SUPT3H: variants seen among roughly 807,000 people sequenced by gnomAD.
SUPT3H encodes the protein transcription initiation protein SPT3 homolog.
In SUPT3H, 44 loss-of-function variants were observed where a neutral mutation model predicts 44.3. The ratio of observed to expected loss-of-function variants is 0.99; its 90% CI spans 0.78 to 1.28. The LOEUF (loss-of-function observed/expected upper bound fraction) is 1.28. SUPT3H is among the 50% of genes most tolerant of loss of function. SUPT3H has a pLI of 0.00. For synonymous variants in SUPT3H, 124 were observed against 125.6 expected, an observed-to-expected ratio of 0.99 and a Z score of 0.09; for missense variants, 380 against 387.1, an observed-to-expected ratio of 0.98 and a Z score of 0.15.
chr6:45,357,476 C>T lies in SUPT3H; in HGVS notation c.101+7725G>A, dbSNP rs187804611. On this transcript the variant is annotated intron_variant, in intron 2 of 10. Transcript: ENST00000371459. The stretch of plus-strand genomic sequence containing the variant: ...CTCCCAAGTAGCTGGGACTACAGGG[C>T]CCAGATAATTGCTTTTAATTTTATT... Among the ~76,000 whole-genome samples, 68 of 152,046 alleles carry T rather than the reference C, an allele frequency of 4.5e-4. No homozygotes were observed. In the East Asian group the frequency reaches 0.011, roughly 26 times the overall value.
intron 10 of SUPT3H, among the ~76,000 whole-genome samples, chr6:44,849,959 CCTGGCCTGAGGACCACCA>C (rs1286220392): frequency 6.6e-6 from 1 of 152,178 alleles, no homozygotes; most frequent in African/African-American, 2.4e-5. Context: ...CCCCAGGACA[CCTGGCCTGAGGACCACCA>C]CTGGCTGACA....
intron 6 of SUPT3H, among the ~76,000 whole-genome samples, chr6:44,971,549 T>C (rs775000735): frequency 6.6e-6 from 1 of 152,110 alleles, no homozygotes; most frequent in Non-Finnish European, 1.5e-5. Context: ...ACTCACTCAC[T>C]ATGATGAGAA....
At chr6:44,887,834 G>T (rs1414304586) in intron 10 of SUPT3H, among the ~76,000 whole-genome samples, 148 of 151,894 alleles carry the variant, frequency 9.7e-4, no homozygotes, top group Admixed American at 9.6e-3. Flanking sequence ...CCAGGAGCTG[G>T]TTTTTTGAAA....
intron 2 of SUPT3H, among the ~76,000 whole-genome samples, chr6:45,154,087 A>AAAAAAAAAAAACAAAC (rs70996303): frequency 8.7e-6 from 1 of 114,596 alleles, no homozygotes; most frequent in Non-Finnish European, 1.8e-5. Flanking sequence ...AAAAAAAAAA[A>AAAAAAAAAAAACAAAC]AGCGCTTAGT....
Position 45,119,953 on chromosome 6 carries a change from A to G in SUPT3H, c.102-13947T>C, listed in dbSNP as rs74790880. Among the ~76,000 whole-genome samples the G allele has an allele frequency of 2.6e-3, 395 of 152,268 alleles. 3 individuals are homozygous for G. Among genetic ancestry groups the G allele is most frequent in the African/African-American group, 8.7e-3 (361 of 41,564 alleles). ...TAATGATAGTTATGACAAAATGACA[A>G]TGAGTCGATTATATCCATAATACAT... On this transcript the variant is annotated intron_variant, in intron 2 of 10. Coordinates refer to ENST00000371459, the MANE Select transcript of SUPT3H (RefSeq NM_003599.4).
intron 3 of SUPT3H, among the ~76,000 whole-genome samples, chr6:45,068,740 C>T (rs901693383): frequency 2.1e-5 from 3 of 145,280 alleles, no homozygotes; most frequent in Non-Finnish European, 3.1e-5. Context: ...GTGCTTGGCT[C>T]CTCATAGTGT....
chr6:44,939,152 T>C (rs945478091), intron 9 of SUPT3H, among the ~76,000 whole-genome samples: 1 of 152,148 alleles, frequency 6.6e-6, no homozygotes, highest in Admixed American at 6.5e-5. Flanking sequence ...TTACAGTTCT[T>C]TGAGGGAACG....
chr6:45,062,834 C>A (rs1583322103), intron 3 of SUPT3H, among the ~76,000 whole-genome samples: 2 of 152,174 alleles, frequency 1.3e-5, no homozygotes, highest in Admixed American at 6.5e-5. Context: ...TCCCTGATTG[C>A]TAGCACAGCA....
At chr6:45,303,886 G>A (rs546514652) in intron 2 of SUPT3H, among the ~76,000 whole-genome samples, 6 of 151,606 alleles carry the variant, frequency 4.0e-5, no homozygotes, top group East Asian at 1.9e-4. Flanking sequence ...CCAGCTACTC[G>A]GGAAGCTGAG....
At chr6:45,258,460 A>C (rs1172681126) in intron 2 of SUPT3H, among the ~76,000 whole-genome samples, 1 of 152,228 alleles carries the variant, frequency 6.6e-6, no homozygotes, top group African/African-American at 2.4e-5. Flanking sequence ...CAGTCAAATC[A>C]ATAGTATCTG....
rs1768064281 is a variant in SUPT3H, at chr6:44,828,593, G to C, written c.*1223C>G. On this transcript the variant is annotated 3_prime_UTR_variant, in exon 11 of 11. Coordinates refer to ENST00000371459, the MANE Select transcript of SUPT3H (RefSeq NM_003599.4). ...ACATAACCTCTAAATGGCATGTTCAGAAAGTTTTATACTTCCAAATTTGGG... is the reference window on the plus strand; with the variant it reads ...ACATAACCTCTAAATGGCATGTTCACAAAGTTTTATACTTCCAAATTTGGG... The C allele has an allele frequency of 6.6e-6, 1 of 152,128 alleles. No homozygotes were observed. The highest frequency in any genetic ancestry group is 1.5e-5 in the Non-Finnish European group (1 of 68,012). 9.4% of individuals were successfully genotyped at this position (152,128 alleles called of 1,614,324 possible). A position where few individuals can be genotyped will look rare whatever the true frequency, so the allele number is the denominator to read the frequency against.
intron 10 of SUPT3H, among the ~76,000 whole-genome samples, chr6:44,881,670 GA>G: frequency 6.6e-6 from 1 of 152,056 alleles, no homozygotes; most frequent in East Asian, 1.9e-4. Flanking sequence ...CAAGAGAACG[GA>G]AATCATAAAC....
intron 2 of SUPT3H, among the ~76,000 whole-genome samples, chr6:45,211,021 C>A (rs1269055420): frequency 1.3e-5 from 2 of 152,202 alleles, no homozygotes; most frequent in Non-Finnish European, 2.9e-5. Context: ...GTGACTTTCA[C>A]TTTAACTGAC....
rs191534345 is a variant in SUPT3H, at chr6:45,236,587, T to A, written c.101+128614A>T. Among the ~76,000 whole-genome samples the A allele has an allele frequency of 4.8e-4, 73 of 152,210 alleles. 1 individual carries two copies. The highest frequency in any genetic ancestry group is 1.8e-3 in the African/African-American group (73 of 41,520). The stretch of plus-strand genomic sequence containing the variant: ...AAAGAGTGGCCTAACCCTCCAGATC[T>A]TTCTTTTCTGGAGGACCTTGGGTGA... On this transcript the variant is annotated intron_variant, in intron 2 of 10. Coordinates refer to ENST00000371459, the MANE Select transcript of SUPT3H (RefSeq NM_003599.4).
At chr6:44,879,717 T>C (rs572243032) in intron 10 of SUPT3H, among the ~76,000 whole-genome samples, 3 of 152,152 alleles carry the variant, frequency 2.0e-5, no homozygotes, top group Non-Finnish European at 2.9e-5. Flanking sequence ...GGGATGAAGC[T>C]TCCAGAGGAA....
At chr6:45,305,964 T>C (rs955574356) in intron 2 of SUPT3H, among the ~76,000 whole-genome samples, 1 of 152,222 alleles carries the variant, frequency 6.6e-6, no homozygotes, top group African/African-American at 2.4e-5. Context: ...CACGTCTACC[T>C]AGGAGCCTCT....
At chr6:45,332,587 G>A (rs1364614604) in intron 2 of SUPT3H, among the ~76,000 whole-genome samples, 1 of 151,716 alleles carries the variant, frequency 6.6e-6, no homozygotes, top group Non-Finnish European at 1.5e-5. Flanking sequence ...CAATAGTGAA[G>A]TCATGCAAAA....
At chr6:44,893,493 T>C (rs1177223244) in intron 10 of SUPT3H, among the ~76,000 whole-genome samples, 3 of 152,126 alleles carry the variant, frequency 2.0e-5, no homozygotes, top group Non-Finnish European at 4.4e-5. Flanking sequence ...GTTCTTGCAA[T>C]AGTTTACTGA....
chr6:45,241,206 G>GA (rs1554298328), intron 2 of SUPT3H, among the ~76,000 whole-genome samples: 3 of 143,088 alleles, frequency 2.1e-5, no homozygotes, highest in Middle Eastern at 3.7e-3. Context: ...TTGGGAACAG[G>GA]CCCCCCCCCA....
Sources: allele counts gnomAD v4.1 joint callset (sites outside exome capture counted in the v4.1 genomes callset), GRCh38; gene constraint gnomAD v4.1.1; transcripts MANE v1.5; gene names NCBI Gene and HGNC (gene_info 2026-07-23, HGNC 2026-07-21).